Variants in TGFBR3 observed in about 807,000 individuals in gnomAD.
The protein encoded by TGFBR3 is transforming growth factor beta receptor 3, also known as transforming growth factor beta receptor type 3.
In TGFBR3, 46 loss-of-function variants were observed where a neutral mutation model predicts 87.9. The ratio of observed to expected loss-of-function variants is 0.52; its 90% CI spans 0.41 to 0.67. The LOEUF (loss-of-function observed/expected upper bound fraction) is 0.67. Ranked by LOEUF, TGFBR3 falls within the 30% of genes least tolerant of loss-of-function variation. The pLI, the probability that TGFBR3 is intolerant of heterozygous loss-of-function variation, is 0.00. For missense variants in TGFBR3, 866 were observed against 1,041.9 expected, an observed-to-expected ratio of 0.83 and a Z score of 2.32; for synonymous variants, 381 against 391.6, an observed-to-expected ratio of 0.97 and a Z score of 0.32.
chr1:91,727,736 T>G lies in TGFBR3; in HGVS notation c.808A>C (p.Ile270Leu), dbSNP rs754494166. Residue 270 changes from isoleucine (I) to leucine (L), a missense_variant, in exon 7 of 17, where the codon ATC becomes CTC. Ile to Leu is a conservative substitution (Grantham distance 5). Transcript: ENST00000212355. ...GACTTTTTGCACTTCAAGATCAGGATGAGATTTTTGACCACTTCAAGATCC... is the reference window on the plus strand; with the variant it reads ...GACTTTTTGCACTTCAAGATCAGGAGGAGATTTTTGACCACTTCAAGATCC... The part of the protein sequence containing the change: ...QEDLEVVKNL[I>L]LILKCKKSVN... The G allele has an allele frequency of 6.2e-7, 1 of 1,614,134 alleles. No individual in the cohort carries two copies. Among genetic ancestry groups the G allele is most frequent in the Non-Finnish European group, 8.5e-7 (1 of 1,180,004 alleles).
chr1:91,832,457 G>T (rs994437581), intron 2 of TGFBR3, among the ~76,000 whole-genome samples: 2 of 152,110 alleles, frequency 1.3e-5, no homozygotes, highest in Non-Finnish European at 2.9e-5. Context: ...TTGTGCAAGG[G>T]TCTCTTCTAA....
At chr1:91,734,282 ATAT>A (rs747459299) in intron 5 of TGFBR3, among the ~76,000 whole-genome samples, 149 of 152,282 alleles carry the variant, frequency 9.8e-4, no homozygotes, top group Non-Finnish European at 1.7e-3. Context: ...TGTACTAAAA[ATAT>A]ATTTAAATAC....
At chr1:91,886,562 AG>A (rs1192809757), upstream of TGFBR3, among the ~76,000 whole-genome samples, 2 of 152,140 alleles carry the variant, frequency 1.3e-5, no homozygotes, top group African/African-American at 4.8e-5. Context: ...TCCCTGGAAG[AG>A]TTGGATTTTC....
intron 1 of TGFBR3, among the ~76,000 whole-genome samples, chr1:91,902,767 A>G (rs1679759559): frequency 6.6e-6 from 1 of 152,124 alleles, no homozygotes; most frequent in Admixed American, 6.6e-5. Context: ...CTGAAGAGTC[A>G]ACATGAAAAC....
intron 10 of TGFBR3, 124 bp from the exon 11 acceptor site, chr1:91,716,832 A>G: frequency 2.5e-6 from 3 of 1,203,118 alleles, no homozygotes; most frequent in Non-Finnish European, 3.7e-6. Flanking sequence ...TTTAAGACAA[A>G]ATAATAAAAT....
intron 4 of TGFBR3, among the ~76,000 whole-genome samples, chr1:91,738,979 C>T (rs1167091989): frequency 6.6e-6 from 1 of 152,184 alleles, no homozygotes; most frequent in Non-Finnish European, 1.5e-5. Flanking sequence ...GGAGCATTCA[C>T]AGTTGAGACG....
chr1:91,806,335 G>A (rs965400255), intron 2 of TGFBR3, among the ~76,000 whole-genome samples: 5 of 152,128 alleles, frequency 3.3e-5, no homozygotes, highest in African/African-American at 9.7e-5. Context: ...CCCTGCTGGC[G>A]GTGGGCCAGC....
At chr1:91,751,841 G>C (rs189228139) in intron 4 of TGFBR3, among the ~76,000 whole-genome samples, 1 of 152,266 alleles carries the variant, frequency 6.6e-6, no homozygotes. Context: ...GCCCTGCCTT[G>C]ATATTTACTT....
At chr1:91,739,402 C>T (rs1019658503) in intron 4 of TGFBR3, among the ~76,000 whole-genome samples, 18 of 152,128 alleles carry the variant, frequency 1.2e-4, no homozygotes, top group African/African-American at 4.3e-4. Context: ...AATGCAAAGT[C>T]TTATAGTTAT....
chr1:91,738,289 G>A (rs1027895993), intron 4 of TGFBR3, among the ~76,000 whole-genome samples: 3 of 152,170 alleles, frequency 2.0e-5, no homozygotes, highest in Non-Finnish European at 4.4e-5. Flanking sequence ...ACCCTGCTAT[G>A]ATCTCATATT....
chr1:91,752,712 T>A (rs1673590839), intron 4 of TGFBR3, among the ~76,000 whole-genome samples: 1 of 147,560 alleles, frequency 6.8e-6, no homozygotes, highest in African/African-American at 2.5e-5. Context: ...GGAATACAAA[T>A]AAAGCAAGAT....
intron 2 of TGFBR3, among the ~76,000 whole-genome samples, chr1:91,852,376 C>T (rs903212953): frequency 2.0e-5 from 3 of 152,202 alleles, no homozygotes; most frequent in Non-Finnish European, 1.5e-5. Context: ...GCCTCAACTC[C>T]CGTGTGTGTG....
intron 14 of TGFBR3, among the ~76,000 whole-genome samples, chr1:91,707,046 G>A (rs1671822524): frequency 1.3e-5 from 2 of 152,294 alleles, no homozygotes; most frequent in Non-Finnish European, 2.9e-5. Context: ...CTTTAGGACG[G>A]CCAGAAAAAT....
chr1:91,727,886 G>A lies in TGFBR3; in HGVS notation c.738-80C>T, dbSNP rs531987901. The A allele has an allele frequency of 7.1e-5, 109 of 1,539,244 alleles. 2 individuals carry two copies. In the South Asian group the frequency reaches 1.1e-3, roughly 16 times the overall value. On this transcript the variant is annotated intron_variant, in intron 6 of 16. Transcript: ENST00000212355. Reference sequence around the variant, plus strand: ...TATCTCCCCTCTTCCAAGTCTTCATGTTTCTAGTGTCTGGCCAGTTGATTA... The same window carrying A: ...TATCTCCCCTCTTCCAAGTCTTCATATTTCTAGTGTCTGGCCAGTTGATTA...
At chr1:91,803,198 C>T (rs1480480134) in intron 2 of TGFBR3, among the ~76,000 whole-genome samples, 2 of 152,226 alleles carry the variant, frequency 1.3e-5, no homozygotes, top group Non-Finnish European at 2.9e-5. Flanking sequence ...CGGACACTTG[C>T]TCCCGTGTTT....
Position 91,719,972 on chromosome 1 carries a change from T to C in TGFBR3, c.1334A>G (p.Gln445Arg). 1 of 1,614,174 alleles carries C rather than the reference T, an allele frequency of 6.2e-7. No homozygotes were observed. Among genetic ancestry groups the C allele is most frequent in the Non-Finnish European group, 8.5e-7 (1 of 1,180,028 alleles). Residue 445 changes from glutamine to arginine, a missense_variant, in exon 9 of 17, where the codon CAA becomes CGA. By Grantham distance (43) the Gln-to-Arg change is conservative (BLOSUM62 1). Transcript: ENST00000212355. Reference protein sequence around the residue: ...FPGLREPEEVQGSVDIALSVK... With the variant: ...FPGLREPEEVRGSVDIALSVK... ...AGACAGGGCAATATCCACGCTCCCT[T>C]GCACCTCTTCTGGCTCTCTGAGACC...
At chr1:91,774,975 A>G (rs1674518103) in intron 3 of TGFBR3, among the ~76,000 whole-genome samples, 2 of 152,080 alleles carry the variant, frequency 1.3e-5, no homozygotes, top group Admixed American at 1.3e-4. Flanking sequence ...CTAGTGAGAA[A>G]GGAGATTTTA....
chr1:91,857,357 TA>T (rs759774991), intron 2 of TGFBR3, among the ~76,000 whole-genome samples: 353 of 143,808 alleles, frequency 2.5e-3, no homozygotes, highest in Middle Eastern at 7.2e-3. Context: ...TCCATTTATT[TA>T]AAAAAAAAAA....
chr1:91,839,587 C>T (rs1378083096), intron 2 of TGFBR3, among the ~76,000 whole-genome samples: 1 of 152,130 alleles, frequency 6.6e-6, no homozygotes, highest in Non-Finnish European at 1.5e-5. Flanking sequence ...GAAAAGAGGA[C>T]ATCACCTCTA....
Sources: allele counts gnomAD v4.1 joint callset (sites outside exome capture counted in the v4.1 genomes callset), GRCh38; gene constraint gnomAD v4.1.1; transcripts MANE v1.5; gene names NCBI Gene and HGNC (gene_info 2026-07-23, HGNC 2026-07-21).